CSTF3: variants seen among roughly 807,000 people sequenced by gnomAD.
The protein encoded by CSTF3 is CF-1 77 kDa subunit.
Under a neutral mutation model 105.8 loss-of-function variants are expected in CSTF3, and 29 were observed. The observed-to-expected ratio is 0.27, with a 90% CI of 0.20 to 0.37. CSTF3 has a LOEUF of 0.37. CSTF3 is among the 10% of genes least tolerant of loss of function. The pLI, the probability that CSTF3 is intolerant of heterozygous loss-of-function variation, is 1.00. For missense variants in CSTF3, 357 were observed against 879.3 expected (o/e 0.41, Z 7.51); for synonymous variants, 252 against 281.9 (o/e 0.89, Z 1.06).
chr11:33,096,497 C>A, intron 14 of CSTF3, 89 bp from the exon 15 acceptor site: 1 of 790,396 alleles, frequency 1.3e-6, no homozygotes, highest in Non-Finnish European at 2.0e-6. Context: ...CTACATATGA[C>A]AAAATATGTA....
intron 3 of CSTF3, among the ~76,000 whole-genome samples, chr11:33,140,008 G>T (rs1287133904): frequency 6.6e-6 from 1 of 151,936 alleles, no homozygotes; most frequent in Non-Finnish European, 1.5e-5. Context: ...TTTAACTTAC[G>T]CTATAATAAA....
At chr11:33,122,541 C>T (rs1169577453) in intron 3 of CSTF3, among the ~76,000 whole-genome samples, 1 of 151,990 alleles carries the variant, frequency 6.6e-6, no homozygotes, top group East Asian at 1.9e-4. Context: ...AAATAATTTG[C>T]AAACATTAAG....
chr11:33,096,974 T>C lies in CSTF3; in HGVS notation c.1133A>G (p.Tyr378Cys). 1 of 1,584,632 alleles carries C rather than the reference T, an allele frequency of 6.3e-7. No homozygotes were observed. Among genetic ancestry groups the C allele is most frequent in the Non-Finnish European group, 8.6e-7 (1 of 1,159,672 alleles). ...AIEDIDPTLV[Y>C]IQYMKFARRA... Reference sequence around the variant, plus strand: ...CCGTGCAAATTTCATATATTGGATATATACCTATGCAAAAGAAAGTATTTG... The same window carrying C: ...CCGTGCAAATTTCATATATTGGATACATACCTATGCAAAAGAAAGTATTTG... Residue 378 changes from tyrosine to cysteine, a missense_variant, in exon 14 of 21, where the codon TAT becomes TGT. Transcript: ENST00000323959.
intron 3 of CSTF3, among the ~76,000 whole-genome samples, chr11:33,113,251 A>G (rs998035222): frequency 6.6e-6 from 1 of 150,928 alleles, no homozygotes; most frequent in Non-Finnish European, 1.5e-5. Context: ...ATAAATGAAT[A>G]AGACCATTAT....
chr11:33,137,751 A>G (rs541669246), intron 3 of CSTF3, among the ~76,000 whole-genome samples: 2 of 113,642 alleles, frequency 1.8e-5, no homozygotes, highest in African/African-American at 3.3e-5. Flanking sequence ...GTGTAGATCT[A>G]TAAGAAAAGA....
chr11:33,128,310 T>G (rs1218703375), intron 3 of CSTF3, among the ~76,000 whole-genome samples: 1 of 152,134 alleles, frequency 6.6e-6, no homozygotes, highest in Non-Finnish European at 1.5e-5. Flanking sequence ...TTATGGCTTC[T>G]TAATTGTATT....
intron 3 of CSTF3, among the ~76,000 whole-genome samples, chr11:33,138,107 A>G (rs1372514626): frequency 6.6e-6 from 1 of 151,814 alleles, no homozygotes; most frequent in African/African-American, 2.4e-5. Context: ...AATTTTAAAT[A>G]AAACAATCAA....
chr11:33,149,170 C>T (rs998238375), intron 1 of CSTF3, among the ~76,000 whole-genome samples: 1 of 152,160 alleles, frequency 6.6e-6, no homozygotes, highest in Non-Finnish European at 1.5e-5. Context: ...GTCTTTTCCC[C>T]CATCCAATTT....
At chr11:33,139,289 G>A (rs1855685526) in intron 3 of CSTF3, among the ~76,000 whole-genome samples, 1 of 151,786 alleles carries the variant, frequency 6.6e-6, no homozygotes, top group African/African-American at 2.4e-5. Flanking sequence ...TGGCTTAGCA[G>A]AATATAAAGA....
At position 33,085,994 on chromosome 11, in the gene CSTF3, G is replaced by C. The variant is rs762990046; in HGVS notation, c.1796-5C>G. 8.2e-6 allele frequency: 12 copies of C among 1,465,332 alleles called. No homozygotes were observed. The Admixed American group carries it at 1.3e-4, about 16-fold the overall frequency. The allele number at this position is 1,465,332 out of a possible 1,614,324, so 90.8% of individuals were successfully genotyped here. On this transcript the variant is annotated splice_region_variant and splice_polypyrimidine_tract_variant and intron_variant, in intron 18 of 20. Transcript: ENST00000323959. ...GTACAGGGTGTAAACCTGGAGCTGT[G>C]AGAAAAAGAAAAGTATGAATCAAGT...
chr11:33,090,729 T>G lies in CSTF3; in HGVS notation c.1446-2A>C. The G allele has an allele frequency of 6.6e-7, 1 of 1,518,098 alleles. No individual in the cohort carries two copies. Among genetic ancestry groups the G allele is most frequent in the Non-Finnish European group, 8.8e-7 (1 of 1,134,218 alleles). 94.0% of individuals were successfully genotyped at this position (1,518,098 alleles called of 1,614,324 possible). A position where few individuals can be genotyped will look rare whatever the true frequency, so the allele number is the denominator to read the frequency against. Reference sequence around the variant, plus strand: ...GCTAGAAATCGGGCCCAGATTTCTCTGCAAGAAAAGAAATACAATCAATAC... The same window carrying G: ...GCTAGAAATCGGGCCCAGATTTCTCGGCAAGAAAAGAAATACAATCAATAC... On this transcript the variant is annotated splice_acceptor_variant, in intron 16 of 20. Transcript: ENST00000323959. LOFTEE classifies it high-confidence loss of function.
chr11:33,108,075 A>G, intron 4 of CSTF3, 75 bp from the exon 5 acceptor site: 1 of 909,982 alleles, frequency 1.1e-6, no homozygotes, highest in Non-Finnish European at 1.6e-6. Flanking sequence ...TGGAACATTA[A>G]AAACACAAAT....
chr11:33,131,295 T>G (rs972399823), intron 3 of CSTF3, among the ~76,000 whole-genome samples: 1 of 152,218 alleles, frequency 6.6e-6, no homozygotes, highest in African/African-American at 2.4e-5. Context: ...TGAAGCAATT[T>G]TATGTGGTTG....
At chr11:33,106,489 G>A (rs1340956098) in intron 5 of CSTF3, among the ~76,000 whole-genome samples, 1 of 152,078 alleles carries the variant, frequency 6.6e-6, no homozygotes, top group Non-Finnish European at 1.5e-5. Flanking sequence ...AATGCTTTGG[G>A]AGGCTGAGGC....
chr11:33,105,455 T>C lies in CSTF3; in HGVS notation c.585+112A>G, dbSNP rs568663885. 309 of 1,032,152 alleles carry C rather than the reference T, an allele frequency of 3.0e-4. 1 individual carries two copies. The highest frequency in any genetic ancestry group is 2.2e-3 in the Middle Eastern group (7 of 3,244). 63.9% of individuals were successfully genotyped at this position (1,032,152 alleles called of 1,614,324 possible). ...AAACATTATAGTGCTTTCATTACAA[T>C]CAATAAAAAAAGTGTAACACTGATA... On this transcript the variant is annotated intron_variant, in intron 8 of 20. Transcript: ENST00000323959.
In CSTF3 at chr11:33,156,639, T is replaced by C. The variant is rs1849869736; in HGVS notation, c.27+4660A>G. On this transcript the variant is annotated intron_variant, in intron 1 of 20. Coordinates refer to ENST00000323959, the MANE Select transcript of CSTF3 (RefSeq NM_001326.3). ...CAAGCTGAGGATCATTTGGCTTGTA[T>C]TTTAGGCCTTCCAAATTCTAGGATA... 3 of 447,420 alleles carry C rather than the reference T, an allele frequency of 6.7e-6. 1 individual carries two copies. Among genetic ancestry groups the C allele is most frequent in the Middle Eastern group, 1.4e-3 (2 of 1,424 alleles). The allele number at this position is 447,420 out of a possible 1,614,324, so 27.7% of individuals were successfully genotyped here.
intron 1 of CSTF3, among the ~76,000 whole-genome samples, chr11:33,142,972 A>G (rs1159068392): frequency 6.6e-6 from 1 of 152,188 alleles, no homozygotes; most frequent in Non-Finnish European, 1.5e-5. Flanking sequence ...GAGAGGTTGA[A>G]GTCACAGATC....
chr11:33,108,884 G>A (rs979005148), intron 3 of CSTF3, among the ~76,000 whole-genome samples: 1 of 152,172 alleles, frequency 6.6e-6, no homozygotes, highest in African/African-American at 2.4e-5. Flanking sequence ...AGGCGTGGGG[G>A]CTACCACTGT....
At chr11:33,087,744 G>A (rs1321126906) in intron 17 of CSTF3, among the ~76,000 whole-genome samples, 1 of 152,240 alleles carries the variant, frequency 6.6e-6, no homozygotes, top group East Asian at 1.9e-4. Flanking sequence ...AGAAGGGACT[G>A]AAGCTCACAA....
Sources: gnomAD v4.1 joint callset for allele counts (sites outside exome capture counted in the v4.1 genomes callset) on GRCh38, gnomAD v4.1.1 for gene constraint, MANE v1.5 for transcripts, NCBI Gene and HGNC (gene_info 2026-07-23, HGNC 2026-07-21) for gene names.